Variants in KHDRBS2 observed in about 807,000 individuals in gnomAD.
KHDRBS2 encodes KH domain-containing, RNA-binding, signal transduction-associated protein 2.
In KHDRBS2, 26 loss-of-function variants were observed where a neutral mutation model predicts 44.3. The observed-to-expected ratio is 0.59, with a 90% CI of 0.43 to 0.81. KHDRBS2 has a LOEUF of 0.81. Among genes scored for constraint, KHDRBS2 ranks in the 40% least tolerant of loss-of-function variants. The pLI is 0.00. For synonymous variants in KHDRBS2, 194 were observed against 151.1 expected (o/e 1.28, Z -2.08); for missense variants, 476 against 433.1 (o/e 1.10, Z -0.88).
intron 6 of KHDRBS2, among the ~76,000 whole-genome samples, chr6:61,802,142 T>G (rs148131918): frequency 2.6e-5 from 4 of 152,082 alleles, no homozygotes; most frequent in Non-Finnish European, 4.4e-5. Context: ...TCAACTGAAC[T>G]AAGAAAATGA....
At chr6:61,765,319 G>T (rs150859533) in intron 6 of KHDRBS2, among the ~76,000 whole-genome samples, 30 of 152,224 alleles carry the variant, frequency 2.0e-4, no homozygotes, top group African/African-American at 5.1e-4. Flanking sequence ...TGAATATGGT[G>T]ACGTATACCT....
At chr6:61,846,652 T>G (rs1179656977) in intron 6 of KHDRBS2, among the ~76,000 whole-genome samples, 2 of 152,160 alleles carry the variant, frequency 1.3e-5, no homozygotes, top group Admixed American at 1.3e-4. Flanking sequence ...TGATTATATA[T>G]ATTTATAACT....
the KHDRBS2 span, among the ~76,000 whole-genome samples, chr6:61,550,474 A>T: frequency 6.6e-6 from 1 of 152,140 alleles, no homozygotes; most frequent in Admixed American, 6.6e-5. Context: ...TATCTTTGTT[A>T]TTGTGATAGT....
chr6:62,261,942 T>G (rs1010525381), intron 1 of KHDRBS2, among the ~76,000 whole-genome samples: 17 of 151,770 alleles, frequency 1.1e-4, no homozygotes, highest in African/African-American at 4.1e-4. Context: ...GTAGTTTTCA[T>G]TTGTGGCATT....
the KHDRBS2 span, among the ~76,000 whole-genome samples, chr6:61,612,256 GCATATTATTTGT>G: frequency 1.3e-5 from 2 of 152,028 alleles, no homozygotes; most frequent in Non-Finnish European, 2.9e-5. Flanking sequence ...CCTCAGAATT[GCATATTATTTGT>G]CACTTTTTAG....
At chr6:61,906,614 T>A (rs945733852) in intron 4 of KHDRBS2, among the ~76,000 whole-genome samples, 5 of 152,218 alleles carry the variant, frequency 3.3e-5, no homozygotes, top group African/African-American at 9.7e-5. Context: ...TCAATTTTTT[T>A]AATTTTTAGC....
At chr6:61,769,089 A>G (rs1780435540) in intron 6 of KHDRBS2, among the ~76,000 whole-genome samples, 3 of 152,120 alleles carry the variant, frequency 2.0e-5, no homozygotes, top group Admixed American at 2.0e-4. Context: ...GGTCTTTTAA[A>G]CCATTTTTAC....
chr6:62,062,207 T>C (rs2127328238), intron 2 of KHDRBS2, among the ~76,000 whole-genome samples: 1 of 148,776 alleles, frequency 6.7e-6, no homozygotes, highest in Non-Finnish European at 1.5e-5. Context: ...CTGTCAACAT[T>C]AGACAGATCA....
chr6:61,557,756 A>C, the KHDRBS2 span, among the ~76,000 whole-genome samples: 1 of 152,146 alleles, frequency 6.6e-6, no homozygotes, highest in African/African-American at 2.4e-5. Context: ...TCAGCAGTGA[A>C]GCTATTGGGT....
At chr6:61,833,803 G>T (rs970160582) in intron 6 of KHDRBS2, among the ~76,000 whole-genome samples, 5 of 152,038 alleles carry the variant, frequency 3.3e-5, no homozygotes, top group Non-Finnish European at 7.4e-5. Flanking sequence ...CTTATTGAAA[G>T]AACATAATAT....
At chr6:61,924,183 A>G (rs1213489302) in intron 4 of KHDRBS2, among the ~76,000 whole-genome samples, 2 of 152,074 alleles carry the variant, frequency 1.3e-5, no homozygotes, top group African/African-American at 4.8e-5. Context: ...GACGTACACT[A>G]TGTTCATGGG....
chr6:61,616,438 A>G, the KHDRBS2 span, among the ~76,000 whole-genome samples: 1 of 147,554 alleles, frequency 6.8e-6, no homozygotes, highest in African/African-American at 2.5e-5. Context: ...GAATGTTATA[A>G]CAAAATTTTA....
chr6:61,980,756 T>G (rs1773665903), intron 3 of KHDRBS2, among the ~76,000 whole-genome samples: 1 of 152,202 alleles, frequency 6.6e-6, no homozygotes, highest in Non-Finnish European at 1.5e-5. Context: ...CAGGCTGATT[T>G]ACAGCCCAAA....
chr6:61,918,742 G>T (rs557608652), intron 4 of KHDRBS2, among the ~76,000 whole-genome samples: 6 of 152,040 alleles, frequency 3.9e-5, no homozygotes, highest in African/African-American at 1.2e-4. Context: ...GGTAATCAAA[G>T]AATATAATAT....
the KHDRBS2 span, among the ~76,000 whole-genome samples, chr6:61,617,056 G>A: frequency 1.3e-5 from 2 of 152,028 alleles, no homozygotes; most frequent in Non-Finnish European, 1.5e-5. Flanking sequence ...GCTACTTTCA[G>A]AACAAGAGAA....
chr6:62,279,012 T>C (rs1385433321), intron 1 of KHDRBS2, among the ~76,000 whole-genome samples: 1 of 152,138 alleles, frequency 6.6e-6, no homozygotes, highest in Admixed American at 6.6e-5. Flanking sequence ...GAGAATGGCC[T>C]GAACCCGGGA....
chr6:61,782,726 T>TACAC (rs1783170307), intron 6 of KHDRBS2, among the ~76,000 whole-genome samples: 1 of 100,602 alleles, frequency 9.9e-6, no homozygotes, highest in African/African-American at 4.6e-5. Flanking sequence ...TATATATATA[T>TACAC]ATATATATAT....
chr6:61,877,097 T>C (rs1265806152), intron 6 of KHDRBS2, among the ~76,000 whole-genome samples: 2 of 152,018 alleles, frequency 1.3e-5, no homozygotes, highest in African/African-American at 2.4e-5. Context: ...AATGTCAGAG[T>C]TGAGTAGTCA....
intron 4 of KHDRBS2, among the ~76,000 whole-genome samples, chr6:61,919,807 A>G (rs1482827558): frequency 6.6e-6 from 1 of 151,956 alleles, no homozygotes; most frequent in Non-Finnish European, 1.5e-5. Context: ...AGCAATAATA[A>G]AAGAAGATCT....
Sources: gnomAD v4.1 joint callset for allele counts (sites outside exome capture counted in the v4.1 genomes callset) on GRCh38, gnomAD v4.1.1 for gene constraint, MANE v1.5 for transcripts, NCBI Gene and HGNC (gene_info 2026-07-23, HGNC 2026-07-21) for gene names.